Variants in SNRPD3 observed in about 807,000 individuals in gnomAD.
SNRPD3 encodes the protein small nuclear ribonucleoprotein Sm D3.
For missense variants in SNRPD3, 73 were observed against 167.5 expected (o/e 0.44, Z 3.11); for synonymous variants, 66 against 58.4 (o/e 1.13, Z -0.59).
At chr22:24,565,243 G>T (rs2045186029) in intron 2 of SNRPD3, among the ~76,000 whole-genome samples, 1 of 152,062 alleles carries the variant, frequency 6.6e-6, no homozygotes, top group South Asian at 2.1e-4. Context: ...GAGTTAGAAA[G>T]AACTGGGTTC....
At chr22:24,555,668 G>C, upstream of SNRPD3, 1 of 1,550,656 alleles carries the variant, frequency 6.4e-7, no homozygotes, top group South Asian at 1.2e-5. Context: ...CTGGCCCTTG[G>C]CCCAACCTCC....
chr22:24,573,988 T>C lies in SNRPD3; in HGVS notation c.*2011T>C, dbSNP rs1179351238. Among the ~76,000 whole-genome samples, 1 of 152,238 alleles carries C rather than the reference T, an allele frequency of 6.6e-6. No individual in the cohort carries two copies. Among genetic ancestry groups the C allele is most frequent in the Non-Finnish European group, 1.5e-5 (1 of 68,038 alleles). On this transcript the variant is annotated 3_prime_UTR_variant, in exon 4 of 4. Transcript: ENST00000215829. ...GAGTGGGGCCCAGGAATCTGCATTT[T>C]AAACAATTCCCTGGTCCCCAGATAA...
upstream of SNRPD3, chr22:24,555,981 C>G (rs2045054186): frequency 1.3e-6 from 1 of 753,782 alleles, no homozygotes; most frequent in African/African-American, 1.7e-5. Context: ...GAGTGGAATT[C>G]TGGGTGTTAG....
At chr22:24,570,162 T>G (rs1001098701) in intron 3 of SNRPD3, among the ~76,000 whole-genome samples, 1 of 152,186 alleles carries the variant, frequency 6.6e-6, no homozygotes, top group African/African-American at 2.4e-5. Flanking sequence ...TCCTCCAGGG[T>G]ATAGGGCAGG....
chr22:24,561,745 A>G (rs1009260728), intron 2 of SNRPD3, among the ~76,000 whole-genome samples: 1 of 152,196 alleles, frequency 6.6e-6, no homozygotes, highest in South Asian at 2.1e-4. Flanking sequence ...GGCTACTCCT[A>G]TAATCCCAAC....
At chr22:24,557,858 A>G (rs983992080) in intron 2 of SNRPD3, 58 bp downstream of exon 2, 2 of 1,536,566 alleles carry the variant, frequency 1.3e-6, no homozygotes, top group Admixed American at 4.2e-5. Context: ...CTTGAAGGAC[A>G]GAAAAGTGTG....
In SNRPD3 at chr22:24,573,862, C is replaced by G. The variant is rs148640368; in HGVS notation, c.*1885C>G. On this transcript the variant is annotated 3_prime_UTR_variant, in exon 4 of 4. Coordinates refer to ENST00000215829, the MANE Select transcript of SNRPD3 (RefSeq NM_004175.5). ...CACCACTGCACTCCAGCCTGGATGA[C>G]AGTGAGACCCTGTCTCTTAAATAAA... Among the ~76,000 whole-genome samples the G allele has an allele frequency of 1.2e-3, 183 of 152,272 alleles. No individual in the cohort carries two copies. The highest frequency in any genetic ancestry group is 4.2e-3 in the African/African-American group (174 of 41,560).
chr22:24,555,926 T>A, upstream of SNRPD3: 1 of 1,273,818 alleles, frequency 7.9e-7, no homozygotes, highest in Non-Finnish European at 1.1e-6. Context: ...CGCTCAACAC[T>A]GGGGAAAGGA....
chr22:24,559,910 T>A (rs932257826), intron 2 of SNRPD3, among the ~76,000 whole-genome samples: 1 of 152,154 alleles, frequency 6.6e-6, no homozygotes. Context: ...TTCTGAGGAA[T>A]GTGAAGGAAG....
intron 3 of SNRPD3, among the ~76,000 whole-genome samples, chr22:24,570,800 T>C (rs1342663038): frequency 6.6e-6 from 1 of 151,460 alleles, no homozygotes; most frequent in African/African-American, 2.4e-5. Flanking sequence ...TTCTTTTTGC[T>C]ACTATGAAAT....
upstream of SNRPD3, chr22:24,555,958 G>C (rs2045053926): frequency 1.1e-6 from 1 of 935,346 alleles, no homozygotes; most frequent in Non-Finnish European, 1.6e-6. Context: ...CCTGCGCGCA[G>C]CATTTTGGGA....
intron 2 of SNRPD3, among the ~76,000 whole-genome samples, chr22:24,560,488 A>T (rs1389576941): frequency 8.8e-6 from 1 of 114,106 alleles, no homozygotes; most frequent in Non-Finnish European, 1.6e-5. Context: ...TCTGTCGCCC[A>T]GGCTGGAGTG....
chr22:24,565,347 T>G (rs1044528490), intron 2 of SNRPD3, among the ~76,000 whole-genome samples: 5 of 152,164 alleles, frequency 3.3e-5, no homozygotes, highest in African/African-American at 9.7e-5. Context: ...TGCCTCTGAA[T>G]GGCTATGTCA....
intron 2 of SNRPD3, among the ~76,000 whole-genome samples, chr22:24,558,981 G>A (rs909628071): frequency 3.3e-5 from 5 of 152,180 alleles, no homozygotes; most frequent in Admixed American, 1.3e-4. Flanking sequence ...GACTGCCACA[G>A]GGGTAATATC....
chr22:24,561,064 CTTTTTTTTTTT>C (rs1164120857), intron 2 of SNRPD3, among the ~76,000 whole-genome samples: 10 of 61,690 alleles, frequency 1.6e-4, no homozygotes, highest in African/African-American at 6.1e-4. Context: ...TTTTTCTTTT[CTTTTTTTTTTT>C]TTTTTTTTTT....
intron 1 of SNRPD3, 125 bp from the exon 2 acceptor site, chr22:24,557,532 G>A: frequency 3.3e-6 from 2 of 610,064 alleles, no homozygotes; most frequent in Non-Finnish European, 2.8e-6. Flanking sequence ...TTCCTTGGTA[G>A]AAAATGCAGC....
chr22:24,555,887 G>A (rs1207646004), upstream of SNRPD3: 16 of 1,502,706 alleles, frequency 1.1e-5, no homozygotes, highest in Middle Eastern at 2.3e-4. Context: ...GCCGGCAGGC[G>A]GAGTGAGGAG....
At chr22:24,571,183 CAT>C (rs1206768944) in intron 3 of SNRPD3, among the ~76,000 whole-genome samples, 2 of 152,238 alleles carry the variant, frequency 1.3e-5, no homozygotes, top group Non-Finnish European at 2.9e-5. Context: ...AGATCTAACA[CAT>C]GTTAACACTT....
chr22:24,573,778 G>C lies in SNRPD3; in HGVS notation c.*1801G>C, dbSNP rs2045267911. 2.0e-5 allele frequency among the ~76,000 whole-genome samples: 3 copies of C among 152,186 alleles called. No homozygotes were observed. In the South Asian group the frequency reaches 6.2e-4, roughly 31 times the overall value. ...TGCCTGCAGTCCCAGCTATCCTGGA[G>C]GTTGAGGCAGGACGACCACATGAGC... On this transcript the variant is annotated 3_prime_UTR_variant, in exon 4 of 4. Coordinates refer to ENST00000215829, the MANE Select transcript of SNRPD3 (RefSeq NM_004175.5).
Sources: gnomAD v4.1 joint callset for allele counts (sites outside exome capture counted in the v4.1 genomes callset) on GRCh38, gnomAD v4.1.1 for gene constraint, MANE v1.5 for transcripts, NCBI Gene and HGNC (gene_info 2026-07-23, HGNC 2026-07-21) for gene names.